Variants in TP53I13 observed in about 807,000 individuals in gnomAD.
TP53I13 encodes the protein tumor protein p53-inducible protein 13.
In TP53I13, 27 loss-of-function variants were observed where a neutral mutation model predicts 39.1. That is an observed-to-expected ratio of 0.69 (90% CI 0.51 to 0.95). The LOEUF (loss-of-function observed/expected upper bound fraction) is 0.95, where lower values mean the gene tolerates loss of function less well. TP53I13 is among the 40% of genes least tolerant of loss of function. TP53I13 has a pLI of 0.00. For missense variants in TP53I13, 544 were observed against 520.4 expected, an observed-to-expected ratio of 1.05 and a Z score of -0.44; for synonymous variants, 230 against 224.6, an observed-to-expected ratio of 1.02 and a Z score of -0.22.
downstream of TP53I13, chr17:29,575,776 C>G: frequency 6.2e-7 from 1 of 1,609,948 alleles, no homozygotes; most frequent in Non-Finnish European, 8.5e-7. This position sits in a 1 kb window ranked among gnomAD's most constrained non-coding sequence, Gnocchi z 5.5. Flanking sequence ...ACACGGCCCC[C>G]AGCCACCCTG....
the TP53I13 span, chr17:29,581,148 CAT>C: frequency 1.6e-6 from 1 of 617,690 alleles, no homozygotes. The surrounding 1 kb of genome is among the most constrained non-coding windows in gnomAD (Gnocchi z 4.8). Flanking sequence ...ATGCGGGCCA[CAT>C]ATGGAGCTGA....
downstream of TP53I13, chr17:29,577,589 G>T (rs570342076): frequency 2.3e-3 from 2,628 of 1,138,302 alleles, 38 homozygotes; most frequent in Non-Finnish European, 4.3e-4. Flanking sequence ...TGCCGGATGA[G>T]GAGGGACCGC....
At chr17:29,580,371 A>G in the TP53I13 span, among the ~76,000 whole-genome samples, 14 of 152,234 alleles carry the variant, frequency 9.2e-5, no homozygotes, top group Non-Finnish European at 1.8e-4. Context: ...TGAGTCGCCC[A>G]GGCCTGGTTA....
downstream of TP53I13, chr17:29,577,834 C>A: frequency 1.3e-6 from 1 of 778,310 alleles, no homozygotes; most frequent in East Asian, 2.5e-5. Flanking sequence ...CCTAGCTGCC[C>A]CCACGCCTAC....
At chr17:29,567,478 C>G (rs1169894092), upstream of TP53I13, 3 of 152,042 alleles carry the variant, frequency 2.0e-5, no homozygotes, top group Admixed American at 2.0e-4. The surrounding 1 kb of genome is among the most constrained non-coding windows in gnomAD (Gnocchi z 6.6). Flanking sequence ...CGCGCGCGCT[C>G]TGCCCTCGGG....
chr17:29,566,626 A>G (rs1023827355), upstream of TP53I13: 4 of 1,608,082 alleles, frequency 2.5e-6, no homozygotes, highest in Non-Finnish European at 3.4e-6. Context: ...CGCTACGGGC[A>G]GGACGAAGTG....
chr17:29,566,490 C>T, upstream of TP53I13: 1 of 1,611,928 alleles, frequency 6.2e-7, no homozygotes, highest in Non-Finnish European at 8.5e-7. Flanking sequence ...TCACCAGAAG[C>T]ACCGCAGGAA....
chr17:29,582,250 G>T, the TP53I13 span: 1 of 806,966 alleles, frequency 1.2e-6, no homozygotes, highest in Non-Finnish European at 2.0e-6. Flanking sequence ...GCTCCAAGGA[G>T]GCCTGCCCAA....
At chr17:29,569,402 G>GTCTCCAGGCGT in intron 3 of TP53I13, 43 bp downstream of exon 3, 1 of 1,600,158 alleles carries the variant, frequency 6.2e-7, no homozygotes, top group Non-Finnish European at 8.5e-7. Context: ...GTCCACGCCT[G>GTCTCCAGGCGT]GAGACAGGCG....
At chr17:29,567,523 C>G (rs1173690192), upstream of TP53I13, 5 of 152,114 alleles carry the variant, frequency 3.3e-5, no homozygotes, top group Non-Finnish European at 7.4e-5. The surrounding 1 kb of genome is among the most constrained non-coding windows in gnomAD (Gnocchi z 6.6). Context: ...CCCGCAACCC[C>G]GCAATAACTT....
downstream of TP53I13, chr17:29,574,689 G>A (rs1475176999): frequency 6.2e-7 from 1 of 1,600,502 alleles, no homozygotes; most frequent in South Asian, 1.1e-5. Flanking sequence ...AGGTGAGGGT[G>A]TGGGGAGAGA....
chr17:29,572,530 G>A lies in TP53I13; in HGVS notation c.902G>A (p.Arg301Gln), dbSNP rs769719656. 3.1e-6 allele frequency: 5 copies of A among 1,606,524 alleles called. No individual in the cohort carries two copies. The highest frequency in any genetic ancestry group is 4.2e-6 in the Non-Finnish European group (5 of 1,177,394). Reference sequence around the variant, plus strand: ...GCAGCAGCGCCTCCACGGGCAGCCCGGGGCCCCACCCCACGCACTGAAGAG... The same window carrying A: ...GCAGCAGCGCCTCCACGGGCAGCCCAGGGCCCCACCCCACGCACTGAAGAG... ...PRAAAPPRAA[R>Q]GPTPRTEEAA... is the part of the protein sequence containing the mutation. Residue 301 changes from arginine to glutamine, a missense_variant, in exon 6 of 7, where the codon CGG becomes CAG. Coordinates refer to ENST00000301057, the MANE Select transcript of TP53I13 (RefSeq NM_138349.4).
chr17:29,582,273 C>T, the TP53I13 span: 14 of 672,026 alleles, frequency 2.1e-5, no homozygotes, highest in Admixed American at 1.2e-4. Context: ...CAGACTATGT[C>T]GGGAGGACAG....
At chr17:29,579,292 T>C in the TP53I13 span, 7 of 458,848 alleles carry the variant, frequency 1.5e-5, no homozygotes, top group Non-Finnish European at 2.3e-5. Flanking sequence ...GCCTGGGCTT[T>C]GTAAGTTTCT....
At chr17:29,579,157 T>A in the TP53I13 span, 6 of 628,084 alleles carry the variant, frequency 9.6e-6, no homozygotes, top group Admixed American at 1.6e-4. Context: ...CCCCTCCTCC[T>A]CTGGCTTGCT....
chr17:29,572,283 G>A lies in TP53I13; in HGVS notation c.655G>A (p.Ala219Thr). 6 of 1,612,918 alleles carry A rather than the reference G, an allele frequency of 3.7e-6. No individual in the cohort carries two copies. Among genetic ancestry groups the A allele is most frequent in the Non-Finnish European group, 5.1e-6 (6 of 1,179,982 alleles). ...AALGPQPTRSALRFPSASPGS... is the reference protein window; with the variant it reads ...AALGPQPTRSTLRFPSASPGS... ...CCTTGGTCCCCAGCCCACTCGCTCA[G>A]CCCTGAGGTTTCCCTCTGCTTCCCC... Residue 219 changes from alanine to threonine, a missense_variant, in exon 6 of 7, where the codon GCC becomes ACC. Coordinates refer to ENST00000301057, the MANE Select transcript of TP53I13 (RefSeq NM_138349.4).
downstream of TP53I13, chr17:29,574,956 C>T (rs759743937): frequency 3.9e-5 from 59 of 1,518,214 alleles, no homozygotes; most frequent in South Asian, 1.6e-4. Flanking sequence ...GACTTTAAGC[C>T]ACCAGCTGAG....
At chr17:29,580,721 G>A in the TP53I13 span, among the ~76,000 whole-genome samples, 1 of 152,002 alleles carries the variant, frequency 6.6e-6, no homozygotes, top group Non-Finnish European at 1.5e-5. Context: ...CGGTGCCACT[G>A]GGACAGAACC....
downstream of TP53I13, chr17:29,576,265 G>A (rs750785631): frequency 1.2e-6 from 2 of 1,610,388 alleles, no homozygotes. Context: ...CGTCCCCAGG[G>A]GGGCCCCCAA....
Sources: allele counts gnomAD v4.1 joint callset (sites outside exome capture counted in the v4.1 genomes callset), GRCh38; gene constraint gnomAD v4.1.1; non-coding constraint Gnocchi (gnomAD v3.1); transcripts MANE v1.5; gene names NCBI Gene and HGNC (gene_info 2026-07-23, HGNC 2026-07-21).